GSPT2: variants seen among roughly 807,000 people sequenced by gnomAD.
GSPT2 encodes the protein eukaryotic peptide chain release factor GTP-binding subunit ERF3B.
A neutral mutation model predicts 24.6 loss-of-function variants in GSPT2; 2 were observed. The observed-to-expected ratio is 0.08, with a 90% CI of 0.03 to 0.26. GSPT2 has a LOEUF of 0.26. Among genes scored for constraint, GSPT2 ranks in the 10% least tolerant of loss-of-function variants. The pLI is 1.00. For synonymous variants in GSPT2, 194 were observed against 189.3 expected, an observed-to-expected ratio of 1.02 and a Z score of -0.20; for missense variants, 322 against 489.6, an observed-to-expected ratio of 0.66 and a Z score of 3.23.
At position 51,744,292 on chromosome X, in the gene GSPT2, G is replaced by A; in HGVS notation, c.666G>A (p.Gln222=). 1 of 1,210,967 alleles carries A rather than the reference G, an allele frequency of 8.3e-7. No homozygotes were observed. Among genetic ancestry groups the A allele is most frequent in the South Asian group, 1.8e-5 (1 of 56,922 alleles). ...VDAGKSTIGG[Q]IMFLTGMVDK... is the part of the protein sequence containing the mutation. ...CTGGCAAGTCAACCATCGGAGGACAGATAATGTTTTTGACTGGAATGGTTG... is the reference window on the plus strand; with the variant it reads ...CTGGCAAGTCAACCATCGGAGGACAAATAATGTTTTTGACTGGAATGGTTG... Residue 222 remains glutamine (Q), a synonymous_variant, in exon 1 of 1, where the codon CAG becomes CAA. Coordinates refer to ENST00000340438, the MANE Select transcript of GSPT2 (RefSeq NM_018094.5).
Position 51,744,909 on chromosome X carries a change from A to G in GSPT2, c.1283A>G (p.Asp428Gly), listed in dbSNP as rs782394335. 5.0e-6 allele frequency: 6 copies of G among 1,202,301 alleles called. No homozygotes were observed. The East Asian group carries it at 1.2e-4, about 24-fold the overall frequency. ...DNLPNFNRSI[D>G]GPIRLPIVDK... ...TTGCCAAACTTCAACAGATCAATTG[A>G]TGGACCAATAAGACTGCCAATTGTG... The change falls in exon 1 of 1, where the codon GAT becomes GGT. Residue 428 changes from aspartate to glycine, a missense_variant. Asp to Gly is a moderately conservative substitution (Grantham distance 94, BLOSUM62 -1). Coordinates refer to ENST00000340438, the MANE Select transcript of GSPT2 (RefSeq NM_018094.5).
rs1923980647 is a variant in GSPT2 at position 51,745,725 on chromosome X, C to G, written c.*212C>G. The G allele has an allele frequency of 9.6e-6, 4 of 415,071 alleles. No homozygotes were observed. The highest frequency in any genetic ancestry group is 1.7e-5 in the Non-Finnish European group (4 of 235,492). 34.2% of individuals were successfully genotyped at this position (415,071 alleles called of 1,213,427 possible). ...CCTCAAGTTTCCTTCCTCTGTACCA[C>G]TCTGCTTCCTTGGACAATATCAGTA... is the stretch of plus-strand genomic sequence containing the variant. On this transcript the variant is annotated 3_prime_UTR_variant, in exon 1 of 1. Transcript: ENST00000340438.
In GSPT2 at chrX:51,743,897, G is replaced by A; in HGVS notation, c.271G>A (p.Glu91Lys). Reference protein sequence around the residue: ...TLPAGSGSNDETCTGAGYPQG... With the variant: ...TLPAGSGSNDKTCTGAGYPQG... ...CCCGGCCGGCTCCGGCAGCAACGAT[G>A]AAACCTGCACCGGCGCGGGATACCC... Residue 91 changes from glutamate to lysine, a missense_variant, in exon 1 of 1, where the codon GAA (glutamate) becomes AAA (lysine). Glu to Lys is a moderately conservative substitution (Grantham distance 56). Transcript: ENST00000340438. 2 of 1,205,671 alleles carry A rather than the reference G, an allele frequency of 1.7e-6. No individual in the cohort carries two copies. The highest frequency in any genetic ancestry group is 3.0e-5 in the East Asian group (1 of 33,562).
chrX:51,744,300 T>C lies in GSPT2; in HGVS notation c.674T>C (p.Phe225Ser). The C allele has an allele frequency of 8.3e-7, 1 of 1,210,857 alleles. No homozygotes were observed. The highest frequency in any genetic ancestry group is 2.3e-4 in the Middle Eastern group (1 of 4,351). Residue 225 changes from phenylalanine (F) to serine (S), a missense_variant, in exon 1 of 1, where the codon TTT becomes TCT. By Grantham distance (155) the Phe-to-Ser change is radical (BLOSUM62 -2). Around this residue, in one of 4 missense-constraint regions of GSPT2, gnomAD observed 72 missense variants for 121.5 expected, o/e 0.59. Coordinates refer to ENST00000340438, the MANE Select transcript of GSPT2 (RefSeq NM_018094.5). ...TCAACCATCGGAGGACAGATAATGT[T>C]TTTGACTGGAATGGTTGACAAAAGA... ...GKSTIGGQIMFLTGMVDKRTL... is the reference protein window; with the variant it reads ...GKSTIGGQIMSLTGMVDKRTL...
rs1923986825 is a variant in GSPT2 at position 51,746,050 on chromosome X, A to G, written c.*537A>G. ...TGTTCTATCACTTAAAAACTTAAAAACTCTTCACCACTTACTGTTTTAAGT... is the reference window on the plus strand; with the variant it reads ...TGTTCTATCACTTAAAAACTTAAAAGCTCTTCACCACTTACTGTTTTAAGT... On this transcript the variant is annotated 3_prime_UTR_variant, in exon 1 of 1. Coordinates refer to ENST00000340438, the MANE Select transcript of GSPT2 (RefSeq NM_018094.5). 8.1e-6 allele frequency: 1 copy of G among 124,220 alleles called. No homozygotes were observed. Among genetic ancestry groups the G allele is most frequent in the Admixed American group, 9.4e-5 (1 of 10,694 alleles). 10.2% of individuals were successfully genotyped at this position (124,220 alleles called of 1,213,427 possible).
In GSPT2 at chrX:51,744,844, T is replaced by C; in HGVS notation, c.1218T>C (p.Pro406=). The change falls in exon 1 of 1, where the codon CCT becomes CCC. Residue 406 remains proline (P), a synonymous_variant. Transcript: ENST00000340438. ...ANIKEQSDFC[P]WYTGLPFIPY... Reference sequence around the variant, plus strand: ...TTAAAGAGCAGTCAGATTTCTGCCCTTGGTACACTGGATTACCATTTATTC... The same window carrying C: ...TTAAAGAGCAGTCAGATTTCTGCCCCTGGTACACTGGATTACCATTTATTC... 2 of 1,209,712 alleles carry C rather than the reference T, an allele frequency of 1.7e-6. No individual in the cohort carries two copies. Among genetic ancestry groups the C allele is most frequent in the Middle Eastern group, 2.3e-4 (1 of 4,345 alleles).
At position 51,744,702 on chromosome X, in the gene GSPT2, G is replaced by A; in HGVS notation, c.1076G>A (p.Ser359Asn). The change falls in exon 1 of 1, where the codon AGC becomes AAC. Residue 359 changes from serine (S) to asparagine (N), a missense_variant. Physicochemically the swap from Ser to Asn is conservative, Grantham distance 46 (BLOSUM62 1). This residue lies in a region of GSPT2 where 117 missense variants were observed against 204.1 expected (regional missense o/e 0.57). Transcript: ENST00000340438. ...NKMDDPTVNW[S>N]IERYEECKEK... ...ATGGATGATCCCACAGTAAATTGGA[G>A]CATCGAGAGATATGAAGAATGTAAA... 1 of 1,208,586 alleles carries A rather than the reference G, an allele frequency of 8.3e-7. No homozygotes were observed.
Position 51,744,052 on chromosome X carries a change from G to A in GSPT2, c.426G>A (p.Val142=). The part of the protein sequence containing the change: ...LSEPVVENGE[V]EMALEESWEH... ...AACCTGTTGTAGAAAATGGAGAGGT[G>A]GAAATGGCCCTAGAAGAATCATGGG... Residue 142 remains valine (V), a synonymous_variant, in exon 1 of 1, where the codon GTG becomes GTA. Coordinates refer to ENST00000340438, the MANE Select transcript of GSPT2 (RefSeq NM_018094.5). 1 of 1,210,512 alleles carries A rather than the reference G, an allele frequency of 8.3e-7. No homozygotes were observed.
chrX:51,743,596 C>T lies in GSPT2; in HGVS notation c.-31C>T, dbSNP rs1557348743. On this transcript the variant is annotated 5_prime_UTR_variant, in exon 1 of 1. Coordinates refer to ENST00000340438, the MANE Select transcript of GSPT2 (RefSeq NM_018094.5). ...GCTCTTCTGGCCTGTTGAGCCCGCTCCCTCACTGCCACACAGCAAGTTCCG... is the reference window on the plus strand; with the variant it reads ...GCTCTTCTGGCCTGTTGAGCCCGCTTCCTCACTGCCACACAGCAAGTTCCG... 5.2e-6 allele frequency: 6 copies of T among 1,151,687 alleles called. No homozygotes were observed. The highest frequency in any genetic ancestry group is 4.0e-5 in the South Asian group (2 of 49,489). 94.9% of individuals were successfully genotyped at this position (1,151,687 alleles called of 1,213,427 possible). A position where few individuals can be genotyped will look rare whatever the true frequency, so the allele number is the denominator to read the frequency against.
rs58066621 is a variant in GSPT2, at chrX:51,744,049, G to C, written c.423G>C (p.Glu141Asp). Residue 141 changes from glutamate (E) to aspartate (D), a missense_variant, in exon 1 of 1, where the codon GAG becomes GAC. Glu to Asp is a conservative substitution (Grantham distance 45, BLOSUM62 2). This residue lies in a region of GSPT2 where 72 missense variants were observed against 121.5 expected (regional missense o/e 0.59). Transcript: ENST00000340438. ...ELSEPVVENG[E>D]VEMALEESWE... is the part of the protein sequence containing the mutation. Reference sequence around the variant, plus strand: ...CAGAACCTGTTGTAGAAAATGGAGAGGTGGAAATGGCCCTAGAAGAATCAT... The same window carrying C: ...CAGAACCTGTTGTAGAAAATGGAGACGTGGAAATGGCCCTAGAAGAATCAT... 8.3e-7 allele frequency: 1 copy of C among 1,210,367 alleles called. No individual in the cohort carries two copies. Among genetic ancestry groups the C allele is most frequent in the Non-Finnish European group, 1.1e-6 (1 of 894,679 alleles).
Position 51,743,497 on chromosome X carries a change from G to C in GSPT2, c.-130G>C, listed in dbSNP as rs1448961447. 2 of 506,357 alleles carry C rather than the reference G, an allele frequency of 3.9e-6. No individual in the cohort carries two copies. Among genetic ancestry groups the C allele is most frequent in the East Asian group, 7.7e-5 (2 of 26,014 alleles). 41.7% of individuals were successfully genotyped at this position (506,357 alleles called of 1,213,427 possible). A position where few individuals can be genotyped will look rare whatever the true frequency, so the allele number is the denominator to read the frequency against. ...GCAGCATCGGCGCTTAGCTGCCTCC[G>C]CGGTGCAGCTAAGGTTCGTGTCGCT... On this transcript the variant is annotated 5_prime_UTR_variant, in exon 1 of 1. Transcript: ENST00000340438.
In GSPT2 at chrX:51,744,142, A is replaced by G. The variant is rs1557348861; in HGVS notation, c.516A>G (p.Pro172=). ...GGGSSGDSGP[P]EESGQEMMEE... ...GTTCCTCGGGAGATTCAGGGCCCCC[A>G]GAAGAAAGTGGCCAGGAAATGATGG... Residue 172 remains proline (P), a synonymous_variant, in exon 1 of 1, where the codon CCA becomes CCG. Coordinates refer to ENST00000340438, the MANE Select transcript of GSPT2 (RefSeq NM_018094.5). The G allele has an allele frequency of 8.3e-7, 1 of 1,208,148 alleles. No homozygotes were observed. Among genetic ancestry groups the G allele is most frequent in the Admixed American group, 2.2e-5 (1 of 45,653 alleles).
chrX:51,743,889 G>C lies in GSPT2; in HGVS notation c.263G>C (p.Ser88Thr), dbSNP rs1557348816. 2.5e-6 allele frequency: 3 copies of C among 1,203,944 alleles called. No individual in the cohort carries two copies. The highest frequency in any genetic ancestry group is 4.4e-5 in the Admixed American group (2 of 45,267). ...QPPTLPAGSG[S>T]NDETCTGAGY... ...CCCACCCTCCCGGCCGGCTCCGGCA[G>C]CAACGATGAAACCTGCACCGGCGCG... Residue 88 changes from serine (S) to threonine (T), a missense_variant, in exon 1 of 1, where the codon AGC becomes ACC. Ser to Thr is a moderately conservative substitution (Grantham distance 58). Around this residue, in one of 4 missense-constraint regions of GSPT2, gnomAD observed 125 missense variants for 121.3 expected, o/e 1.03. Coordinates refer to ENST00000340438, the MANE Select transcript of GSPT2 (RefSeq NM_018094.5).
rs782658089 is a variant in GSPT2 at position 51,743,874 on chromosome X, C to G, written c.248C>G (p.Pro83Arg). The G allele has an allele frequency of 1.7e-6, 2 of 1,204,034 alleles. No individual in the cohort carries two copies. The highest frequency in any genetic ancestry group is 1.8e-5 in the South Asian group (1 of 55,744). Reference sequence around the variant, plus strand: ...GGCCCGACTCAGCCGCCCACCCTCCCGGCCGGCTCCGGCAGCAACGATGAA... The same window carrying G: ...GGCCCGACTCAGCCGCCCACCCTCCGGGCCGGCTCCGGCAGCAACGATGAA... ...LRGPTQPPTL[P>R]AGSGSNDETC... Residue 83 changes from proline to arginine, a missense_variant, in exon 1 of 1, where the codon CCG (proline) becomes CGG (arginine). Around this residue, in one of 4 missense-constraint regions of GSPT2, gnomAD observed 125 missense variants for 121.3 expected, o/e 1.03. Transcript: ENST00000340438.
chrX:51,744,219 C>G lies in GSPT2; in HGVS notation c.593C>G (p.Ala198Gly). The G allele has an allele frequency of 8.3e-7, 1 of 1,208,388 alleles. No individual in the cohort carries two copies. The highest frequency in any genetic ancestry group is 1.1e-6 in the Non-Finnish European group (1 of 892,917). Reference sequence around the variant, plus strand: ...AAATCTGTGATCGTACCCTCAGGTGCACCTAAGAAAGAACACGTAAATGTA... The same window carrying G: ...AAATCTGTGATCGTACCCTCAGGTGGACCTAAGAAAGAACACGTAAATGTA... ...KSKSVIVPSG[A>G]PKKEHVNVVF... The change falls in exon 1 of 1, where the codon GCA becomes GGA. Residue 198 changes from alanine (A) to glycine (G), a missense_variant. Coordinates refer to ENST00000340438, the MANE Select transcript of GSPT2 (RefSeq NM_018094.5).
Position 51,744,639 on chromosome X carries a change from C to T in GSPT2, c.1013C>T (p.Thr338Met), listed in dbSNP as rs1411136821. Residue 338 changes from threonine (T) to methionine (M), a missense_variant, in exon 1 of 1, where the codon ACG becomes ATG. Thr to Met is a moderately conservative substitution (Grantham distance 81). Around this residue, in one of 4 missense-constraint regions of GSPT2, gnomAD observed 8 missense variants for 42.8 expected, o/e 0.19. Coordinates refer to ENST00000340438, the MANE Select transcript of GSPT2 (RefSeq NM_018094.5). ...QTREHAMLAKTAGVKHLIVLI... is the reference protein window; with the variant it reads ...QTREHAMLAKMAGVKHLIVLI... ...AGAGAACATGCGATGTTGGCAAAAA[C>T]GGCAGGGGTAAAACATTTAATAGTG... The T allele has an allele frequency of 8.3e-7, 1 of 1,209,121 alleles. No homozygotes were observed. Among genetic ancestry groups the T allele is most frequent in the African/African-American group, 1.8e-5 (1 of 56,967 alleles).
chrX:51,745,386 G>A lies in GSPT2; in HGVS notation c.1760G>A (p.Arg587Lys), dbSNP rs781924359. ...GATCAAGTATGCATTGCTCGTTTAA[G>A]GACAGCAGGAACCATCTGCCTCGAG... Reference protein sequence around the residue: ...KQDQVCIARLRTAGTICLETF... With the variant: ...KQDQVCIARLKTAGTICLETF... The change falls in exon 1 of 1, where the codon AGG becomes AAG. Residue 587 changes from arginine to lysine, a missense_variant. Transcript: ENST00000340438. 3.3e-6 allele frequency: 4 copies of A among 1,208,935 alleles called. No individual in the cohort carries two copies. The highest frequency in any genetic ancestry group is 3.4e-6 in the Non-Finnish European group (3 of 892,995).
Position 51,745,315 on chromosome X carries a change from A to G in GSPT2, c.1689A>G (p.Lys563=). ...EITALISLVD[K]KSGEKSKTRP... Reference sequence around the variant, plus strand: ...CAGCGTTAATCTCCTTGGTAGACAAAAAATCAGGAGAAAAAAGTAAGACAC... The same window carrying G: ...CAGCGTTAATCTCCTTGGTAGACAAGAAATCAGGAGAAAAAAGTAAGACAC... Residue 563 remains lysine (K), a synonymous_variant, in exon 1 of 1, where the codon AAA becomes AAG. Transcript: ENST00000340438. 1 of 1,210,708 alleles carries G rather than the reference A, an allele frequency of 8.3e-7. No homozygotes were observed. The highest frequency in any genetic ancestry group is 1.1e-6 in the Non-Finnish European group (1 of 894,539).
Position 51,743,558 on chromosome X carries a change from G to A in GSPT2, c.-69G>A. The A allele has an allele frequency of 1.0e-6, 1 of 994,514 alleles. No homozygotes were observed. The highest frequency in any genetic ancestry group is 1.4e-6 in the Non-Finnish European group (1 of 730,966). 82.0% of individuals were successfully genotyped at this position (994,514 alleles called of 1,213,427 possible). On this transcript the variant is annotated 5_prime_UTR_variant, in exon 1 of 1. Transcript: ENST00000340438. ...CCTTCGCTCTTGCTGCCTTAACCCC[G>A]CCGGCGGAGCCCGCTCTTCTGGCCT...
Sources: gnomAD v4.1 joint callset for allele counts on GRCh38, gnomAD v4.1.1 for gene constraint, gnomAD v4.1.1 regional missense constraint, MANE v1.5 for transcripts, NCBI Gene and HGNC (gene_info 2026-07-23, HGNC 2026-07-21) for gene names.